The following DESI2 variants were observed in gnomAD, a reference collection of about 807,000 sequenced individuals.
DESI2 encodes deubiquitinase DESI2.
A neutral mutation model predicts 24.1 loss-of-function variants in DESI2; 10 were observed. The observed-to-expected ratio is 0.41, with a 90% CI of 0.26 to 0.70. The LOEUF (loss-of-function observed/expected upper bound fraction) is 0.70, where lower values mean the gene tolerates loss of function less well. Among genes scored for constraint, DESI2 ranks in the 30% least tolerant of loss-of-function variants. The pLI is 0.29. For missense variants in DESI2, 122 were observed against 234.9 expected, an observed-to-expected ratio of 0.52 and a Z score of 3.14; for synonymous variants, 71 against 87.7, an observed-to-expected ratio of 0.81 and a Z score of 1.06.
chr1:244,661,938 C>G (rs1476088542), intron 1 of DESI2, among the ~76,000 whole-genome samples: 1 of 152,152 alleles, frequency 6.6e-6, no homozygotes, highest in Non-Finnish European at 1.5e-5. Context: ...AATGGGATGG[C>G]TGGGTCAAAT....
At chr1:244,696,144 A>G (rs967861742) in intron 4 of DESI2, among the ~76,000 whole-genome samples, 2 of 152,198 alleles carry the variant, frequency 1.3e-5, no homozygotes, top group African/African-American at 2.4e-5. Context: ...ACATGATGTC[A>G]TCACTCCTAA....
chr1:244,677,817 G>A (rs570137228), intron 1 of DESI2, among the ~76,000 whole-genome samples: 45 of 152,208 alleles, frequency 3.0e-4, no homozygotes, highest in African/African-American at 9.9e-4. Context: ...TTTCTCAGGC[G>A]GCTGAGTTAG....
chr1:244,682,019 G>A (rs1676631433), intron 1 of DESI2, among the ~76,000 whole-genome samples: 1 of 152,300 alleles, frequency 6.6e-6, no homozygotes, highest in East Asian at 1.9e-4. Flanking sequence ...CTTCCAGTGG[G>A]TTCGTGGTCT....
chr1:244,659,124 A>G (rs1224871122), intron 1 of DESI2, among the ~76,000 whole-genome samples: 1 of 151,212 alleles, frequency 6.6e-6, no homozygotes, highest in Non-Finnish European at 1.5e-5. Context: ...AGTCTAGCTA[A>G]GCAAAAGGAC....
chr1:244,671,015 A>C (rs1021125949), intron 1 of DESI2, among the ~76,000 whole-genome samples: 1 of 152,214 alleles, frequency 6.6e-6, no homozygotes, highest in South Asian at 2.1e-4. Flanking sequence ...TAAGGGAAAG[A>C]GATCCTTGGA....
At chr1:244,700,893 C>T (rs1677424026) in intron 4 of DESI2, among the ~76,000 whole-genome samples, 1 of 152,126 alleles carries the variant, frequency 6.6e-6, no homozygotes, top group South Asian at 2.1e-4. Context: ...GTTCTTTCAT[C>T]TTTAGATTGT....
chr1:244,658,915 T>C (rs1675740669), intron 1 of DESI2, among the ~76,000 whole-genome samples: 1 of 152,256 alleles, frequency 6.6e-6, no homozygotes, highest in Non-Finnish European at 1.5e-5. Context: ...TAAGTTTATT[T>C]CTTGAAATTG....
At chr1:244,692,141 A>G in intron 4 of DESI2, 121 bp downstream of exon 4, 1 of 859,812 alleles carries the variant, frequency 1.2e-6, no homozygotes, top group Non-Finnish European at 1.8e-6. Flanking sequence ...TGTATGAAAT[A>G]TGGTATTGTA....
At chr1:244,702,491 G>A (rs547108080) in intron 4 of DESI2, among the ~76,000 whole-genome samples, 4 of 152,146 alleles carry the variant, frequency 2.6e-5, no homozygotes, top group Non-Finnish European at 5.9e-5. Flanking sequence ...TCCAGCCTCA[G>A]TAACAGACCA....
chr1:244,671,650 C>T (rs1019121738), intron 1 of DESI2, among the ~76,000 whole-genome samples: 9 of 152,242 alleles, frequency 5.9e-5, no homozygotes, highest in Admixed American at 3.3e-4. Context: ...ACTATTGAGA[C>T]GACAAAATCA....
At chr1:244,702,062 C>A (rs1677485732) in intron 4 of DESI2, among the ~76,000 whole-genome samples, 1 of 152,152 alleles carries the variant, frequency 6.6e-6, no homozygotes, top group Admixed American at 6.5e-5. Flanking sequence ...CACTAGCCAC[C>A]TAAGAAATAC....
intron 1 of DESI2, among the ~76,000 whole-genome samples, chr1:244,679,312 G>A (rs184284835): frequency 3.3e-5 from 5 of 152,296 alleles, no homozygotes; most frequent in East Asian, 1.9e-4. Flanking sequence ...ACTTAGAAAT[G>A]CATCTCTTGT....
intron 4 of DESI2, among the ~76,000 whole-genome samples, chr1:244,692,357 C>G (rs1385488412): frequency 6.6e-6 from 1 of 151,994 alleles, no homozygotes. Context: ...TAAGGTTTCT[C>G]TTTGGCTGAA....
chr1:244,674,139 C>A (rs187449634), intron 1 of DESI2, among the ~76,000 whole-genome samples: 1 of 151,864 alleles, frequency 6.6e-6, no homozygotes, highest in Non-Finnish European at 1.5e-5. Flanking sequence ...GAACTACAGG[C>A]GTCCGCCACC....
intron 4 of DESI2, among the ~76,000 whole-genome samples, chr1:244,701,587 T>C (rs1041090965): frequency 1.3e-5 from 2 of 152,224 alleles, no homozygotes; most frequent in African/African-American, 4.8e-5. Flanking sequence ...TTCCCAGGCC[T>C]TGAAACCTAA....
At chr1:244,682,316 T>C (rs12034301) in intron 1 of DESI2, among the ~76,000 whole-genome samples, 59,398 of 151,950 alleles carry the variant, frequency 0.39, 13,266 homozygotes, top group Middle Eastern at 0.51. Flanking sequence ...TACAGAGTGC[T>C]GATTGGTGCA....
intron 1 of DESI2, among the ~76,000 whole-genome samples, chr1:244,660,157 TTTTTGTTGTTG>T (rs1675788370): frequency 2.2e-5 from 3 of 135,064 alleles, no homozygotes; most frequent in East Asian, 4.4e-4. Context: ...GATTTTTCTT[TTTTTGTTGTTG>T]TTTTGTTGTT....
chr1:244,687,177 T>G (rs963726546), intron 2 of DESI2, among the ~76,000 whole-genome samples: 7 of 152,240 alleles, frequency 4.6e-5, no homozygotes, highest in African/African-American at 2.4e-5. Context: ...CTAAAAACAT[T>G]GCTGAGCAAA....
At chr1:244,680,675 A>G (rs950804699) in intron 1 of DESI2, among the ~76,000 whole-genome samples, 1 of 152,220 alleles carries the variant, frequency 6.6e-6, no homozygotes, top group African/African-American at 2.4e-5. Context: ...CATTGCAAAG[A>G]TATCTTTTTT....
Sources: allele counts gnomAD v4.1 joint callset (sites outside exome capture counted in the v4.1 genomes callset), GRCh38; gene constraint gnomAD v4.1.1; transcripts MANE v1.5; gene names NCBI Gene and HGNC (gene_info 2026-07-23, HGNC 2026-07-21).